The following CDKL3 variants were observed in gnomAD, a reference collection of about 807,000 sequenced individuals.
CDKL3 encodes the protein cyclin dependent kinase like 3.
CDKL3 carries 65 observed loss-of-function variants against 69.3 expected under a neutral mutation model. That is an observed-to-expected ratio of 0.94 (90% confidence interval 0.77 to 1.15). The LOEUF (loss-of-function observed/expected upper bound fraction) is 1.15. Ranked by LOEUF, CDKL3 falls within the 50% of genes most tolerant of loss-of-function variation. CDKL3 has a pLI of 0.00. For missense variants in CDKL3, 652 were observed against 689.2 expected (o/e 0.95, Z 0.61); for synonymous variants, 202 against 221.6 (o/e 0.91, Z 0.79).
intron 4 of CDKL3, among the ~76,000 whole-genome samples, chr5:134,331,942 A>G (rs1172484124): frequency 6.6e-6 from 1 of 152,174 alleles, no homozygotes; most frequent in East Asian, 1.9e-4. Flanking sequence ...ATTTCTCCAC[A>G]TCCTCTCCAG....
At chr5:134,299,003 G>GCA (rs1451502935) in intron 12 of CDKL3, among the ~76,000 whole-genome samples, 2 of 152,016 alleles carry the variant, frequency 1.3e-5, no homozygotes, top group Non-Finnish European at 2.9e-5. Context: ...CCTCTGAGTA[G>GCA]CTGGGATTAC....
chr5:134,299,631 A>T (rs1283913380), intron 12 of CDKL3: 11 of 1,479,654 alleles, frequency 7.4e-6, no homozygotes, highest in Non-Finnish European at 6.3e-6. Flanking sequence ...TAACATTAAT[A>T]AAAAGGATTT....
chr5:134,287,700 T>C (rs1182078978), intron 8 of CDKL3, among the ~76,000 whole-genome samples: 1 of 152,142 alleles, frequency 6.6e-6, no homozygotes, highest in Non-Finnish European at 1.5e-5. Context: ...TGAAAGCCAA[T>C]GTAGTCCCTC....
At chr5:134,310,147 T>TA (rs1262164950) in intron 7 of CDKL3, among the ~76,000 whole-genome samples, 2 of 150,654 alleles carry the variant, frequency 1.3e-5, no homozygotes, top group African/African-American at 2.5e-5. Context: ...TGCCACTTTT[T>TA]ATCAATGGCA....
rs1350721988 is a variant in CDKL3, at chr5:134,319,355, T to C, written c.792+3A>G. 3 of 1,488,540 alleles carry C rather than the reference T, an allele frequency of 2.0e-6. No individual in the cohort carries two copies. Among genetic ancestry groups the C allele is most frequent in the South Asian group, 2.6e-5 (2 of 75,472 alleles). The allele number at this position is 1,488,540 out of a possible 1,614,324, so 92.2% of individuals were successfully genotyped here. A position where few individuals can be genotyped will look rare whatever the true frequency, so the allele number is the denominator to read the frequency against. On this transcript the variant is annotated splice_donor_region_variant and intron_variant, in intron 6 of 12. Transcript: ENST00000265334. ...CGGGGGAGGAAAAAAAAAAAAAACA[T>C]ACATGAACTATATCTGCCAACAATC...
chr5:134,317,191 A>G (rs913140515), intron 6 of CDKL3, among the ~76,000 whole-genome samples: 1 of 152,138 alleles, frequency 6.6e-6, no homozygotes, highest in Non-Finnish European at 1.5e-5. Context: ...GCTGGAGTGC[A>G]GTGGTGCGAT....
downstream of CDKL3, among the ~76,000 whole-genome samples, chr5:134,296,813 A>ACG (rs1554074947): frequency 4.0e-5 from 6 of 151,216 alleles, no homozygotes; most frequent in African/African-American, 1.5e-4. Flanking sequence ...ACACACACAC[A>ACG]CACGCACGCA....
At chr5:134,292,041 A>T (rs1359393240) in intron 8 of CDKL3, among the ~76,000 whole-genome samples, 1 of 152,224 alleles carries the variant, frequency 6.6e-6, no homozygotes, top group Non-Finnish European at 1.5e-5. Flanking sequence ...GAGGATTTCA[A>T]CAGTCTTCCC....
chr5:134,362,311 G>A (rs1756239474), intron 2 of CDKL3, among the ~76,000 whole-genome samples: 1 of 152,164 alleles, frequency 6.6e-6, no homozygotes, highest in African/African-American at 2.4e-5. Flanking sequence ...CCTGAGGTCG[G>A]GAGTTCGAGA....
At chr5:134,316,337 C>T (rs559837423) in intron 6 of CDKL3, among the ~76,000 whole-genome samples, 15 of 152,236 alleles carry the variant, frequency 9.9e-5, no homozygotes, top group African/African-American at 2.4e-4. Context: ...TGGTGGCTCA[C>T]GCGTGTAATC....
At chr5:134,302,742 T>G in intron 11 of CDKL3, 55 bp from the exon 12 acceptor site, 1 of 871,398 alleles carries the variant, frequency 1.1e-6, no homozygotes, top group Non-Finnish European at 1.8e-6. Context: ...TTTGAAATTT[T>G]ACTTTCCTTT....
chr5:134,287,848 G>A (rs1432049751), intron 8 of CDKL3, among the ~76,000 whole-genome samples: 2 of 150,760 alleles, frequency 1.3e-5, no homozygotes, highest in Admixed American at 6.6e-5. Context: ...AAATTAACCA[G>A]TAACTCATCT....
At chr5:134,302,864 T>A (rs1311699653) in intron 11 of CDKL3, among the ~76,000 whole-genome samples, 177 bp from the exon 12 acceptor site, 1 of 152,156 alleles carries the variant, frequency 6.6e-6, no homozygotes, top group African/African-American at 2.4e-5. Context: ...GTTTTATAAC[T>A]TTACAAATAG....
rs137920297 is a variant in CDKL3, at chr5:134,308,992, G to A, written c.882-265C>T. Among the ~76,000 whole-genome samples, 10 of 152,230 alleles carry A rather than the reference G, an allele frequency of 6.6e-5. 1 individual carries two copies. Among genetic ancestry groups the A allele is most frequent in the South Asian group, 4.1e-4 (2 of 4,822 alleles). ...TTTATACTAATTAGATTCCTTCTGC[G>A]ATGCAAACTTTACTCAGAAAAATAT... On this transcript the variant is annotated intron_variant, in intron 7 of 12. Transcript: ENST00000265334.
At chr5:134,349,393 A>T (rs535998469) in intron 4 of CDKL3, among the ~76,000 whole-genome samples, 14 of 152,254 alleles carry the variant, frequency 9.2e-5, no homozygotes, top group Admixed American at 4.6e-4. Context: ...CTTTTGAAGT[A>T]ATTCTCCTGT....
At chr5:134,283,953 T>G (rs1241469756), downstream of CDKL3, among the ~76,000 whole-genome samples, 4 of 152,072 alleles carry the variant, frequency 2.6e-5, no homozygotes, top group Admixed American at 2.6e-4. Flanking sequence ...AGTGGAGCAG[T>G]CAATTATTAA....
chr5:134,352,135 G>A (rs1266964088), intron 3 of CDKL3, among the ~76,000 whole-genome samples: 1 of 152,014 alleles, frequency 6.6e-6, no homozygotes, highest in Non-Finnish European at 1.5e-5. Context: ...GTAAGATCAT[G>A]CGGTATTTGT....
At chr5:134,356,820 T>A (rs1232130253) in intron 3 of CDKL3, among the ~76,000 whole-genome samples, 1 of 151,780 alleles carries the variant, frequency 6.6e-6, no homozygotes, top group Non-Finnish European at 1.5e-5. Context: ...AAATAAAAAC[T>A]CTTATCTCAC....
chr5:134,332,342 G>C (rs904629090), intron 4 of CDKL3, among the ~76,000 whole-genome samples: 50 of 152,204 alleles, frequency 3.3e-4, no homozygotes, highest in African/African-American at 1.2e-3. Flanking sequence ...CATTGCTTTT[G>C]GTGTTTTAGT....
Sources: allele counts gnomAD v4.1 joint callset (sites outside exome capture counted in the v4.1 genomes callset), GRCh38; gene constraint gnomAD v4.1.1; transcripts MANE v1.5; gene names NCBI Gene and HGNC (gene_info 2026-07-23, HGNC 2026-07-21).